The following HDAC4 variants were observed in gnomAD, a reference collection of about 807,000 sequenced individuals.
HDAC4 encodes the protein histone deacetylase 4, also known as histone deacetylase A.
HDAC4 carries 16 observed loss-of-function variants against 135.1 expected under a neutral mutation model. The ratio of observed to expected loss-of-function variants is 0.12; its 90% CI spans 0.08 to 0.18. The LOEUF (loss-of-function observed/expected upper bound fraction) is 0.18, where lower values mean the gene tolerates loss of function less well. Ranked by LOEUF, HDAC4 falls within the 10% of genes least tolerant of loss-of-function variation. The pLI, the probability that HDAC4 is intolerant of heterozygous loss-of-function variation, is 1.00. For missense variants in HDAC4, 1,143 were observed against 1,511.8 expected (o/e 0.76, Z 4.05); for synonymous variants, 685 against 653.4 (o/e 1.05, Z -0.74).
At chr2:239,397,471 G>A (rs1232481649) in intron 1 of HDAC4, among the ~76,000 whole-genome samples, 3 of 152,186 alleles carry the variant, frequency 2.0e-5, no homozygotes, top group South Asian at 2.1e-4. Flanking sequence ...AGGAAGTCAC[G>A]GTGGGGGCAA....
Position 239,134,578 on chromosome 2 carries a change from C to T in HDAC4, c.1044G>A (p.Ser348=), listed in dbSNP as rs1041848004. 6.8e-6 allele frequency: 11 copies of T among 1,614,000 alleles called. No individual in the cohort carries two copies. In the African/African-American group the frequency reaches 8.0e-5, roughly 12 times the overall value. Residue 348 remains serine (S), a synonymous_variant, in exon 10 of 27, where the codon TCG becomes TCA. Coordinates refer to ENST00000543185, the MANE Select transcript of HDAC4 (RefSeq NM_001378414.1). ...CCAGCGTGATGTTGGGCAAGGATGG[C>T]GATGTGTAGAGGGGAAGTGGAGCGG... is the stretch of plus-strand genomic sequence containing the variant. ...GSAAPLPLYT[S]PSLPNITLGL...
chr2:239,299,086 C>T lies in HDAC4; in HGVS notation c.22+53592G>A, dbSNP rs2052089956. On this transcript the variant is annotated intron_variant, in intron 2 of 26. Coordinates refer to ENST00000543185, the MANE Select transcript of HDAC4 (RefSeq NM_001378414.1). This position sits in a 1 kb window ranked among gnomAD's most constrained non-coding sequence, Gnocchi z 4.0. ...GGTTTCATGTTAGCCAGGATGGTCT[C>T]GATCTCCTGACCTCGTGATCCGCCT... Among the ~76,000 whole-genome samples, 1 of 151,958 alleles carries T rather than the reference C, an allele frequency of 6.6e-6. No individual in the cohort carries two copies. The highest frequency in any genetic ancestry group is 1.5e-5 in the Non-Finnish European group (1 of 67,984).
chr2:239,367,605 TCA>T (rs1183087033), intron 1 of HDAC4, among the ~76,000 whole-genome samples: 3 of 152,158 alleles, frequency 2.0e-5, no homozygotes, highest in African/African-American at 7.2e-5. Flanking sequence ...ATGTGATGGG[TCA>T]CAGTCAAAAC....
intron 2 of HDAC4, among the ~76,000 whole-genome samples, chr2:239,338,125 C>T (rs1203179356): frequency 6.6e-6 from 1 of 152,132 alleles, no homozygotes. Context: ...TCCAGACAAG[C>T]ACAGAGAGAC....
At position 239,115,404 on chromosome 2, in the gene HDAC4, G is replaced by C; in HGVS notation, c.1534-94C>G. On this transcript the variant is annotated intron_variant, in intron 12 of 26. Transcript: ENST00000543185. This position sits in a 1 kb window ranked among gnomAD's most constrained non-coding sequence, Gnocchi z 6.3. ...GATGCTGCAAACCCCACCCTCTGGG[G>C]CAGACAATCAGGGACTCAGGGCACC... is the stretch of plus-strand genomic sequence containing the variant. 6.6e-7 allele frequency: 1 copy of C among 1,518,210 alleles called. No individual in the cohort carries two copies. Among genetic ancestry groups the C allele is most frequent in the Non-Finnish European group, 9.0e-7 (1 of 1,106,336 alleles). The allele number at this position is 1,518,210 out of a possible 1,614,324, so 94.0% of individuals were successfully genotyped here. A position where few individuals can be genotyped will look rare whatever the true frequency, so the allele number is the denominator to read the frequency against.
intron 2 of HDAC4, among the ~76,000 whole-genome samples, chr2:239,302,863 C>G (rs2052349482): frequency 6.6e-6 from 1 of 152,258 alleles, no homozygotes; most frequent in South Asian, 2.1e-4. Flanking sequence ...GTTAGGCTCT[C>G]ACCCATAGGA....
intron 2 of HDAC4, among the ~76,000 whole-genome samples, chr2:239,242,853 C>G (rs2153193908): frequency 6.6e-6 from 1 of 152,354 alleles, no homozygotes; most frequent in South Asian, 2.1e-4. Flanking sequence ...GTTTGCTTAA[C>G]TGTATTAAAC....
At chr2:239,324,781 C>T (rs112814972) in intron 2 of HDAC4, among the ~76,000 whole-genome samples, 77 of 152,284 alleles carry the variant, frequency 5.1e-4, no homozygotes, top group African/African-American at 1.7e-3. Context: ...GGGGCGTGGG[C>T]GAGGTGCTGC....
intron 1 of HDAC4, among the ~76,000 whole-genome samples, chr2:239,380,573 A>G (rs990843532): frequency 1.3e-5 from 2 of 152,156 alleles, no homozygotes; most frequent in Non-Finnish European, 2.9e-5. Context: ...GGTGTATGTT[A>G]ATAGCTTCAG....
chr2:239,074,724 G>A (rs2152648395), intron 22 of HDAC4, among the ~76,000 whole-genome samples: 1 of 152,328 alleles, frequency 6.6e-6, no homozygotes, highest in Admixed American at 6.5e-5. Flanking sequence ...GCGCGACTAA[G>A]AAACGTCCCT....
intron 2 of HDAC4, among the ~76,000 whole-genome samples, chr2:239,274,922 T>A (rs762215088): frequency 2.6e-5 from 4 of 152,242 alleles, no homozygotes; most frequent in Non-Finnish European, 5.9e-5. Flanking sequence ...GTGACATCTC[T>A]TTTTAATTAA....
intron 16 of HDAC4, among the ~76,000 whole-genome samples, chr2:239,095,913 G>A (rs781684947): frequency 2.6e-5 from 4 of 152,170 alleles, no homozygotes; most frequent in Non-Finnish European, 4.4e-5. Context: ...TTCCTGGGCT[G>A]GAGCTGGAGT....
chr2:239,080,383 C>T (rs937174431), intron 22 of HDAC4, among the ~76,000 whole-genome samples: 3 of 152,356 alleles, frequency 2.0e-5, no homozygotes, highest in South Asian at 4.1e-4. Context: ...CTTCTCCTCA[C>T]GTGGCTCTGG....
At chr2:239,120,402 G>GACGCACACAGACACACAC (rs2039553950) in intron 12 of HDAC4, among the ~76,000 whole-genome samples, 1 of 68,270 alleles carries the variant, frequency 1.5e-5, no homozygotes, top group Non-Finnish European at 2.8e-5. Flanking sequence ...GACGCACACA[G>GACGCACACAGACACACAC]ACACACACAC....
At position 239,318,870 on chromosome 2, in the gene HDAC4, CA is replaced by C. The variant is rs1042333678; in HGVS notation, c.22+33807del. On this transcript the variant is annotated intron_variant, in intron 2 of 26. Coordinates refer to ENST00000543185, the MANE Select transcript of HDAC4 (RefSeq NM_001378414.1). ...TTCAGGAAGTCCAAAAAAATATCAA[CA>C]GGGGTAAGTGAAAACGCTTACAAAA... Among the ~76,000 whole-genome samples, 6 of 152,080 alleles carry C rather than the reference CA, an allele frequency of 3.9e-5. No homozygotes were observed. In the East Asian group the frequency reaches 5.8e-4, roughly 15 times the overall value.
At chr2:239,200,097 G>A (rs1223356032) in intron 3 of HDAC4, among the ~76,000 whole-genome samples, 2 of 152,202 alleles carry the variant, frequency 1.3e-5, no homozygotes, top group African/African-American at 4.8e-5. Context: ...TAGTCTTAGA[G>A]ACCACAGTCT....
intron 2 of HDAC4, among the ~76,000 whole-genome samples, chr2:239,325,324 TG>T (rs2053437895): frequency 6.6e-6 from 1 of 152,166 alleles, no homozygotes; most frequent in South Asian, 2.1e-4. Context: ...AGGAGATATT[TG>T]CAGATTATAT....
chr2:239,355,092 C>T (rs1354322010), intron 1 of HDAC4, among the ~76,000 whole-genome samples: 2 of 152,150 alleles, frequency 1.3e-5, no homozygotes, highest in African/African-American at 4.8e-5. Context: ...AATCTACTGG[C>T]ATTTTTTTCT....
intron 1 of HDAC4, among the ~76,000 whole-genome samples, chr2:239,364,800 G>A (rs1694080690): frequency 6.6e-6 from 1 of 152,244 alleles, no homozygotes; most frequent in Non-Finnish European, 1.5e-5. Context: ...TCCAGACAGT[G>A]AGGAAGTATT....
Sources: gnomAD v4.1 joint callset for allele counts (sites outside exome capture counted in the v4.1 genomes callset) on GRCh38, gnomAD v4.1.1 for gene constraint, Gnocchi (gnomAD v3.1) non-coding constraint, MANE v1.5 for transcripts, NCBI Gene and HGNC (gene_info 2026-07-23, HGNC 2026-07-21) for gene names.